Variants in PTPRN2 observed in about 807,000 individuals in gnomAD.
PTPRN2 encodes protein tyrosine phosphatase receptor type N2.
In PTPRN2, 74 loss-of-function variants were observed where a neutral mutation model predicts 118.8. The ratio of observed to expected loss-of-function variants is 0.62; its 90% CI spans 0.52 to 0.76. PTPRN2 has a LOEUF of 0.76. Among genes scored for constraint, PTPRN2 ranks in the 30% least tolerant of loss-of-function variants. The probability of loss-of-function intolerance (pLI) is 0.00; values close to 1 mark genes in which losing one functional copy is unlikely to be tolerated. For missense variants in PTPRN2, 1,481 were observed against 1,394.4 expected (o/e 1.06, Z -0.99); for synonymous variants, 641 against 608.0 (o/e 1.05, Z -0.80).
At chr7:158,132,254 G>A (rs148570353) in intron 9 of PTPRN2, among the ~76,000 whole-genome samples, 48 of 145,266 alleles carry the variant, frequency 3.3e-4, no homozygotes, top group African/African-American at 1.0e-3. Flanking sequence ...ACATCTACCC[G>A]ACATACACAC....
chr7:157,599,306 G>A (rs1460045952), intron 16 of PTPRN2, among the ~76,000 whole-genome samples: 2 of 152,140 alleles, frequency 1.3e-5, no homozygotes, highest in Non-Finnish European at 2.9e-5. Context: ...CACTGCGCCT[G>A]GCTTACTTTT....
intron 11 of PTPRN2, among the ~76,000 whole-genome samples, chr7:158,013,506 A>C (rs1196220726): frequency 1.3e-5 from 2 of 151,268 alleles, no homozygotes; most frequent in Non-Finnish European, 2.9e-5. Context: ...CCTCCAATTC[A>C]TCTGTTCATC....
intron 1 of PTPRN2, among the ~76,000 whole-genome samples, chr7:158,495,487 AG>A (rs962438467): frequency 2.0e-5 from 3 of 151,972 alleles, no homozygotes; most frequent in Non-Finnish European, 4.4e-5. Flanking sequence ...TGCCCACTGC[AG>A]GGGGGGTAAG....
chr7:157,761,869 T>A (rs560731747), intron 12 of PTPRN2, among the ~76,000 whole-genome samples: 1,927 of 151,832 alleles, frequency 0.013, 34 homozygotes, highest in African/African-American at 0.044. Flanking sequence ...AGGGCTAATA[T>A]CCAGAATCTA....
At chr7:157,993,360 C>A (rs1472988844) in intron 11 of PTPRN2, among the ~76,000 whole-genome samples, 7 of 151,830 alleles carry the variant, frequency 4.6e-5, no homozygotes, top group African/African-American at 1.5e-4. Flanking sequence ...CAGCCCTGAG[C>A]CTCCGCAAAA....
chr7:158,440,967 G>C (rs1330179898), intron 2 of PTPRN2, among the ~76,000 whole-genome samples: 11 of 148,776 alleles, frequency 7.4e-5, no homozygotes, highest in African/African-American at 2.6e-4. Context: ...GGTAGTAGTG[G>C]TGTTGGTGGT....
intron 3 of PTPRN2, among the ~76,000 whole-genome samples, chr7:158,252,796 C>A (rs1447380153): frequency 6.6e-6 from 1 of 152,186 alleles, no homozygotes; most frequent in Admixed American, 6.6e-5. Flanking sequence ...GAGAACGAAC[C>A]TCTCACTCCC....
At chr7:158,308,184 G>A (rs904228859) in intron 3 of PTPRN2, among the ~76,000 whole-genome samples, 30 of 152,322 alleles carry the variant, frequency 2.0e-4, no homozygotes, top group African/African-American at 7.0e-4. Flanking sequence ...AAGGCCAAGA[G>A]GCAGTGGAAT....
At chr7:158,114,987 C>G (rs1484032710) in intron 9 of PTPRN2, among the ~76,000 whole-genome samples, 1 of 152,070 alleles carries the variant, frequency 6.6e-6, no homozygotes, top group Non-Finnish European at 1.5e-5. Flanking sequence ...TGGAGTTTAT[C>G]CCAAATACAA....
At chr7:158,465,703 C>G (rs1586738414) in intron 2 of PTPRN2, among the ~76,000 whole-genome samples, 1 of 152,228 alleles carries the variant, frequency 6.6e-6, no homozygotes, top group Non-Finnish European at 1.5e-5. Context: ...AGTTTATATC[C>G]TTCCCAAGAC....
chr7:158,274,806 G>T (rs1181838834), intron 3 of PTPRN2, among the ~76,000 whole-genome samples: 1 of 152,214 alleles, frequency 6.6e-6, no homozygotes, highest in Non-Finnish European at 1.5e-5. Flanking sequence ...TTCTGGAGGA[G>T]AACGTGGTTG....
rs77201688 is a variant in PTPRN2 at position 157,585,135 on chromosome 7, T to C, written c.2497-6995A>G. Among the ~76,000 whole-genome samples the C allele has an allele frequency of 2.6e-5, 4 of 152,132 alleles. No individual in the cohort carries two copies. In the East Asian group the frequency reaches 5.8e-4, roughly 22 times the overall value. On this transcript the variant is annotated intron_variant, in intron 17 of 22. Coordinates refer to ENST00000389418, the MANE Select transcript of PTPRN2 (RefSeq NM_002847.5). The surrounding 1 kb of genome is among the most constrained non-coding windows in gnomAD (Gnocchi z 5.2). ...CCCACACACACGTCAGCAGTGCTGA[T>C]GGAAAGGCTGATGAGGGGGCAGCGG...
At chr7:157,774,391 A>G (rs1463200008) in intron 12 of PTPRN2, among the ~76,000 whole-genome samples, 1 of 152,238 alleles carries the variant, frequency 6.6e-6, no homozygotes, top group Non-Finnish European at 1.5e-5. Flanking sequence ...CCTGGGCATC[A>G]TGCCTGTCAA....
chr7:158,256,023 AGCGGGT>A (rs1796998128), intron 3 of PTPRN2, among the ~76,000 whole-genome samples: 1 of 152,164 alleles, frequency 6.6e-6, no homozygotes, highest in South Asian at 2.1e-4. Context: ...CCAGCTTCTC[AGCGGGT>A]TTGATTTTGG....
chr7:158,484,876 A>C (rs1012404438), intron 2 of PTPRN2, among the ~76,000 whole-genome samples: 2 of 152,164 alleles, frequency 1.3e-5, no homozygotes, highest in African/African-American at 2.4e-5. Context: ...GGAATAGAAG[A>C]AGCTGCAGTT....
chr7:158,305,544 TAAATC>T (rs1032557576), intron 3 of PTPRN2, among the ~76,000 whole-genome samples: 1 of 152,024 alleles, frequency 6.6e-6, no homozygotes, highest in Non-Finnish European at 1.5e-5. Context: ...AGATCACACT[TAAATC>T]AAACTGAAGT....
intron 11 of PTPRN2, among the ~76,000 whole-genome samples, chr7:158,017,043 G>A (rs113471186): frequency 0.01 from 1,527 of 152,328 alleles, 14 homozygotes; most frequent in Non-Finnish European, 0.018. Context: ...GTGTGCCTAT[G>A]TGGGAAGCAA....
At chr7:158,212,183 G>C (rs1341302003) in intron 3 of PTPRN2, among the ~76,000 whole-genome samples, 2 of 152,028 alleles carry the variant, frequency 1.3e-5, no homozygotes, top group African/African-American at 4.8e-5. Context: ...AACTTATAGA[G>C]AGTAGAACAA....
At chr7:157,897,385 G>GC (rs952862999) in intron 12 of PTPRN2, among the ~76,000 whole-genome samples, 3 of 152,154 alleles carry the variant, frequency 2.0e-5, no homozygotes, top group Admixed American at 6.5e-5. Flanking sequence ...GCTCTCGGCA[G>GC]CCCCCAAGAC....
Sources: allele counts gnomAD v4.1 joint callset (sites outside exome capture counted in the v4.1 genomes callset), GRCh38; gene constraint gnomAD v4.1.1; non-coding constraint Gnocchi (gnomAD v3.1); transcripts MANE v1.5; gene names NCBI Gene and HGNC (gene_info 2026-07-23, HGNC 2026-07-21).